The following ATE1 variants were observed in gnomAD, a reference collection of about 807,000 sequenced individuals.
ATE1 encodes arginyltransferase 1.
In ATE1, 36 loss-of-function variants were observed where a neutral mutation model predicts 70.5. The observed-to-expected ratio is 0.51, with a 90% CI of 0.39 to 0.67. The LOEUF is 0.67. Ranked by LOEUF, ATE1 falls within the 30% of genes least tolerant of loss-of-function variation. The probability of loss-of-function intolerance (pLI) is 0.00; values close to 1 mark genes in which losing one functional copy is unlikely to be tolerated. For missense variants in ATE1, 593 were observed against 629.5 expected, an observed-to-expected ratio of 0.94 and a Z score of 0.62; for synonymous variants, 232 against 219.3, an observed-to-expected ratio of 1.06 and a Z score of -0.51.
chr10:121,748,140 C>T (rs1354725022), intron 11 of ATE1, among the ~76,000 whole-genome samples: 1 of 152,120 alleles, frequency 6.6e-6, no homozygotes, highest in Non-Finnish European at 1.5e-5. Context: ...CAGAATGATG[C>T]TTAACAGTTT....
chr10:121,808,269 G>A (rs1006762491), intron 10 of ATE1, among the ~76,000 whole-genome samples: 7 of 152,128 alleles, frequency 4.6e-5, no homozygotes, highest in East Asian at 1.9e-4. Flanking sequence ...CAAAGAATCC[G>A]GACTTTGGAT....
intron 8 of ATE1, among the ~76,000 whole-genome samples, chr10:121,855,456 G>C (rs1949213252): frequency 6.6e-6 from 1 of 152,176 alleles, no homozygotes; most frequent in Non-Finnish European, 1.5e-5. Flanking sequence ...ATCAATTAAG[G>C]AAAACAGCTC....
chr10:121,760,699 C>T (rs930399082), intron 11 of ATE1, among the ~76,000 whole-genome samples: 2 of 152,150 alleles, frequency 1.3e-5, no homozygotes, highest in Non-Finnish European at 1.5e-5. Context: ...ACTTAAAGAA[C>T]ATTAGACAAA....
intron 5 of ATE1, among the ~76,000 whole-genome samples, chr10:121,905,855 G>A (rs74231245): frequency 5.3e-5 from 8 of 150,830 alleles, no homozygotes; most frequent in African/African-American, 1.2e-4. Context: ...CCAAGAGAGA[G>A]AAAAAAAAGT....
chr10:121,840,828 G>T (rs10886993), intron 9 of ATE1, among the ~76,000 whole-genome samples: 45,071 of 149,760 alleles, frequency 0.3, 8,137 homozygotes, highest in Middle Eastern at 0.43. Context: ...AAAATTCAAT[G>T]TGACTTTAAA....
At chr10:121,917,041 G>A (rs1463014014) in intron 3 of ATE1, among the ~76,000 whole-genome samples, 2 of 152,080 alleles carry the variant, frequency 1.3e-5, no homozygotes, top group African/African-American at 2.4e-5. Flanking sequence ...GTGGGCGCCT[G>A]TAATCCCAGC....
chr10:121,833,623 G>A (rs572441631), intron 10 of ATE1, among the ~76,000 whole-genome samples: 1 of 152,114 alleles, frequency 6.6e-6, no homozygotes, highest in Non-Finnish European at 1.5e-5. Context: ...GCAAGCTTGG[G>A]GGAGGGGCAA....
At chr10:121,919,831 G>C (rs1038411459) in intron 3 of ATE1, among the ~76,000 whole-genome samples, 8 of 151,774 alleles carry the variant, frequency 5.3e-5, no homozygotes, top group African/African-American at 1.9e-4. Context: ...CCAGGAGGCG[G>C]ACACTGCAGT....
chr10:121,899,039 C>CTA, intron 7 of ATE1: 1 of 1,540,680 alleles, frequency 6.5e-7, no homozygotes, highest in Non-Finnish European at 8.8e-7. Flanking sequence ...GAAGGTGAGG[C>CTA]TACAGTAAGA....
chr10:121,847,510 C>T (rs927572285), intron 8 of ATE1, among the ~76,000 whole-genome samples: 14 of 151,314 alleles, frequency 9.3e-5, no homozygotes, highest in African/African-American at 2.9e-4. Flanking sequence ...CCTGTAATTG[C>T]AGCACTTTGG....
intron 8 of ATE1, among the ~76,000 whole-genome samples, chr10:121,848,263 G>A (rs1948912621): frequency 6.7e-6 from 1 of 150,240 alleles, no homozygotes; most frequent in South Asian, 2.1e-4. Flanking sequence ...ATCATTCTAG[G>A]ACTCATTAAA....
rs11816344 is a variant in ATE1, at chr10:121,876,011, G to A, written c.943-5973C>T. ...CTCTGATTTGTTTTCCCCAATCTGTGCTTACTAGAATTGCTCACTGAAAAT... is the reference window on the plus strand; with the variant it reads ...CTCTGATTTGTTTTCCCCAATCTGTACTTACTAGAATTGCTCACTGAAAAT... On this transcript the variant is annotated intron_variant, in intron 7 of 11. Transcript: ENST00000224652. Among the ~76,000 whole-genome samples, 1,077 of 152,214 alleles carry A rather than the reference G, an allele frequency of 7.1e-3. 25 individuals carry two copies. Among genetic ancestry groups the A allele is most frequent in the African/African-American group, 0.025 (1,019 of 41,512 alleles).
At chr10:121,778,833 C>A (rs1188804820) in intron 11 of ATE1, among the ~76,000 whole-genome samples, 3 of 152,010 alleles carry the variant, frequency 2.0e-5, no homozygotes, top group African/African-American at 7.3e-5. Flanking sequence ...GAACTCCTGA[C>A]CTCAAGTGAT....
At chr10:121,773,520 T>C (rs1308077847) in intron 11 of ATE1, among the ~76,000 whole-genome samples, 1 of 152,214 alleles carries the variant, frequency 6.6e-6, no homozygotes, top group Non-Finnish European at 1.5e-5. Flanking sequence ...TTCACAATGC[T>C]CAGCTTACAT....
intron 10 of ATE1, among the ~76,000 whole-genome samples, chr10:121,825,665 C>T (rs538663546): frequency 3.3e-5 from 5 of 152,286 alleles, no homozygotes; most frequent in African/African-American, 7.2e-5. Context: ...GAAAAACAAA[C>T]GGCAGCCCAG....
intron 11 of ATE1, among the ~76,000 whole-genome samples, chr10:121,772,119 T>A (rs1213089874): frequency 1.3e-5 from 2 of 152,188 alleles, no homozygotes; most frequent in Non-Finnish European, 2.9e-5. Context: ...AGACACCACA[T>A]TCCCCAGACA....
chr10:121,904,172 C>T (rs186252346), intron 5 of ATE1, among the ~76,000 whole-genome samples: 85 of 151,570 alleles, frequency 5.6e-4, no homozygotes, highest in African/African-American at 1.8e-3. Context: ...TCAGTAGAGA[C>T]GGAGTTTCAC....
chr10:121,915,171 G>A (rs1205641482), intron 3 of ATE1, among the ~76,000 whole-genome samples: 2 of 152,192 alleles, frequency 1.3e-5, no homozygotes, highest in African/African-American at 2.4e-5. Flanking sequence ...TCCTTAGGAA[G>A]ATCTCGTTTA....
At chr10:121,782,127 G>A (rs558094984) in intron 11 of ATE1, among the ~76,000 whole-genome samples, 2 of 152,244 alleles carry the variant, frequency 1.3e-5, no homozygotes, top group East Asian at 3.9e-4. Context: ...TATGAAGTTG[G>A]GTGTGAATGA....
Sources: gnomAD v4.1 joint callset for allele counts (sites outside exome capture counted in the v4.1 genomes callset) on GRCh38, gnomAD v4.1.1 for gene constraint, MANE v1.5 for transcripts, NCBI Gene and HGNC (gene_info 2026-07-23, HGNC 2026-07-21) for gene names.